CAST: variants seen among roughly 807,000 people sequenced by gnomAD.
CAST encodes the protein MIR583 host.
A neutral mutation model predicts 119.6 loss-of-function variants in CAST; 76 were observed. That is an observed-to-expected ratio of 0.64 (90% CI 0.53 to 0.77). The LOEUF (loss-of-function observed/expected upper bound fraction) is 0.77. CAST is among the 30% of genes least tolerant of loss of function. The pLI is 0.00. For missense variants in CAST, 953 were observed against 946.5 expected, an observed-to-expected ratio of 1.01 and a Z score of -0.09; for synonymous variants, 319 against 331.6, an observed-to-expected ratio of 0.96 and a Z score of 0.41.
chr5:96,335,511 G>C, the CAST span, among the ~76,000 whole-genome samples: 1 of 152,088 alleles, frequency 6.6e-6, no homozygotes, highest in Non-Finnish European at 1.5e-5. Flanking sequence ...CCCACATGCT[G>C]GGGTTACCTA....
chr5:96,014,213 G>T, the CAST span, among the ~76,000 whole-genome samples: 1 of 149,308 alleles, frequency 6.7e-6, no homozygotes, highest in African/African-American at 2.5e-5. Flanking sequence ...CATTAGCCTA[G>T]GCCTACACGG....
chr5:96,543,195 A>T (rs1400912247), intron 1 of CAST, among the ~76,000 whole-genome samples: 2 of 152,218 alleles, frequency 1.3e-5, no homozygotes, highest in African/African-American at 4.8e-5. Flanking sequence ...ATGGAATACT[A>T]TGCAGCCATA....
the CAST span, among the ~76,000 whole-genome samples, chr5:96,016,068 G>A: frequency 6.6e-6 from 1 of 152,206 alleles, no homozygotes; most frequent in Non-Finnish European, 1.5e-5. Context: ...AAAGGTAGAA[G>A]AGCAGAGCTG....
chr5:96,238,944 G>T, the CAST span, among the ~76,000 whole-genome samples: 2 of 152,068 alleles, frequency 1.3e-5, no homozygotes, highest in Non-Finnish European at 1.5e-5. Flanking sequence ...ACATAGAATT[G>T]TTTGGGAGTC....
chr5:96,697,553 A>T (rs1360676187), intron 3 of CAST, among the ~76,000 whole-genome samples: 1 of 152,256 alleles, frequency 6.6e-6, no homozygotes, highest in African/African-American at 2.4e-5. Flanking sequence ...TTGAAAGACC[A>T]TGAATCGTAA....
chr5:96,440,359 T>C, the CAST span, among the ~76,000 whole-genome samples: 2 of 152,126 alleles, frequency 1.3e-5, no homozygotes, highest in Non-Finnish European at 1.5e-5. Flanking sequence ...TGCTGTAGAC[T>C]TGTACCTCTA....
At chr5:96,198,534 G>A in the CAST span, among the ~76,000 whole-genome samples, 866 of 152,072 alleles carry the variant, frequency 5.7e-3, 13 homozygotes, top group African/African-American at 0.02. Context: ...TGTGTGCTGG[G>A]CACATTCATT....
chr5:95,979,932 A>G, the CAST span, among the ~76,000 whole-genome samples: 11 of 152,184 alleles, frequency 7.2e-5, no homozygotes, highest in Non-Finnish European at 1.5e-4. Flanking sequence ...AGCCTGACCA[A>G]CATGGTAAAG....
At chr5:96,224,434 CT>C in the CAST span, among the ~76,000 whole-genome samples, 3 of 152,062 alleles carry the variant, frequency 2.0e-5, no homozygotes, top group Admixed American at 1.3e-4. Context: ...GGAGACTATT[CT>C]GTTGATCTGG....
At chr5:96,324,899 T>C in the CAST span, among the ~76,000 whole-genome samples, 63 of 152,276 alleles carry the variant, frequency 4.1e-4, no homozygotes, top group South Asian at 2.5e-3. Context: ...CTTTCTATAT[T>C]TGTATAAGAA....
At chr5:96,169,411 T>A in the CAST span, among the ~76,000 whole-genome samples, 1 of 151,900 alleles carries the variant, frequency 6.6e-6, no homozygotes, top group Non-Finnish European at 1.5e-5. Context: ...AGGGAGGTAT[T>A]GAGGATAGGA....
At chr5:96,374,198 T>A in the CAST span, among the ~76,000 whole-genome samples, 1,869 of 152,334 alleles carry the variant, frequency 0.012, 23 homozygotes, top group Non-Finnish European at 0.015. Flanking sequence ...CTGAACCATA[T>A]GTTTTCCAAT....
chr5:96,466,866 G>T, the CAST span, among the ~76,000 whole-genome samples: 18 of 152,174 alleles, frequency 1.2e-4, no homozygotes, highest in East Asian at 2.5e-3. Context: ...CTAGAGTTGG[G>T]ATTGCCTGAT....
chr5:95,963,981 C>G, the CAST span, among the ~76,000 whole-genome samples: 1 of 152,244 alleles, frequency 6.6e-6, no homozygotes, highest in South Asian at 2.1e-4. Context: ...AATATCTGAC[C>G]TGTAGCTTCT....
chr5:96,180,441 G>A, the CAST span, among the ~76,000 whole-genome samples: 17 of 152,296 alleles, frequency 1.1e-4, no homozygotes, highest in African/African-American at 3.8e-4. Flanking sequence ...GAGCCTCCTC[G>A]TGAGGTACTA....
At chr5:96,294,304 G>A in the CAST span, among the ~76,000 whole-genome samples, 1 of 152,186 alleles carries the variant, frequency 6.6e-6, no homozygotes, top group African/African-American at 2.4e-5. Context: ...ATATGTGGAA[G>A]AAAACTGACC....
chr5:96,209,931 T>A, the CAST span, among the ~76,000 whole-genome samples: 1 of 151,870 alleles, frequency 6.6e-6, no homozygotes, highest in East Asian at 1.9e-4. Flanking sequence ...GTTTCCAAGT[T>A]GCTTATTTTC....
At chr5:96,399,522 T>C in the CAST span, among the ~76,000 whole-genome samples, 1 of 152,156 alleles carries the variant, frequency 6.6e-6, no homozygotes, top group Admixed American at 6.5e-5. Context: ...AGAAAAGCCA[T>C]GAATCACACA....
chr5:96,371,286 A>G, the CAST span, among the ~76,000 whole-genome samples: 320 of 152,348 alleles, frequency 2.1e-3, no homozygotes, highest in African/African-American at 7.5e-3. Flanking sequence ...AAAAGTTTCC[A>G]GAAAGGTCAT....
Sources: allele counts gnomAD v4.1 joint callset (sites outside exome capture counted in the v4.1 genomes callset), GRCh38; gene constraint gnomAD v4.1.1; transcripts MANE v1.5; gene names NCBI Gene and HGNC (gene_info 2026-07-23, HGNC 2026-07-21).